REEP1: variants seen among roughly 807,000 people sequenced by gnomAD.
The protein encoded by REEP1 is receptor expression-enhancing protein 1.
A neutral mutation model predicts 40.3 loss-of-function variants in REEP1; 22 were observed. The observed-to-expected ratio is 0.55, with a 90% CI of 0.39 to 0.78. The LOEUF (loss-of-function observed/expected upper bound fraction) is 0.78, where lower values mean the gene tolerates loss of function less well. Among genes scored for constraint, REEP1 ranks in the 30% least tolerant of loss-of-function variants. The pLI, the probability that REEP1 is intolerant of heterozygous loss-of-function variation, is 0.00. For missense variants in REEP1, 280 were observed against 361.1 expected (o/e 0.78, Z 1.82); for synonymous variants, 116 against 139.2 (o/e 0.83, Z 1.17).
intron 1 of REEP1, among the ~76,000 whole-genome samples, chr2:86,324,559 C>T (rs1292079097): frequency 6.6e-6 from 1 of 152,094 alleles, no homozygotes; most frequent in Non-Finnish European, 1.5e-5. Flanking sequence ...GTTTGGAGAA[C>T]AGTTTATGAA....
intron 2 of REEP1, among the ~76,000 whole-genome samples, chr2:86,280,571 C>T (rs1678025746): frequency 6.6e-6 from 1 of 152,204 alleles, no homozygotes; most frequent in Admixed American, 6.5e-5. Flanking sequence ...CTAGGAGAAG[C>T]TGCTTAATGC....
chr2:86,313,300 C>CT (rs77130679), intron 1 of REEP1, among the ~76,000 whole-genome samples: 197 of 136,552 alleles, frequency 1.4e-3, no homozygotes, highest in East Asian at 6.5e-3. Context: ...CTTTTCTTTT[C>CT]TTTTTTTTTT....
At chr2:86,231,294 C>T (rs897755726) in intron 6 of REEP1, among the ~76,000 whole-genome samples, 6 of 152,232 alleles carry the variant, frequency 3.9e-5, no homozygotes, top group Non-Finnish European at 7.3e-5. Flanking sequence ...ACAGCCGAGC[C>T]TCCACCTCCC....
chr2:86,225,349 G>T (rs537814520), intron 7 of REEP1, among the ~76,000 whole-genome samples: 1 of 152,142 alleles, frequency 6.6e-6, no homozygotes, highest in East Asian at 1.9e-4. Context: ...TCGGCTCACC[G>T]CAACCTCTGC....
chr2:86,263,249 A>G (rs1676958683), intron 3 of REEP1, among the ~76,000 whole-genome samples: 1 of 152,170 alleles, frequency 6.6e-6, no homozygotes, highest in Admixed American at 6.5e-5. Flanking sequence ...GTTTGTTTTG[A>G]GACACAGTCT....
Position 86,337,165 on chromosome 2 carries a change from A to C in REEP1, c.32+314T>G, listed in dbSNP as rs1681085129. ...ATTCGGGGCCTCTGCAAATCGACCG[A>C]GCTGAGGAACAAAGCGGCCAGCGCG... On this transcript the variant is annotated intron_variant, in intron 1 of 8. Coordinates refer to ENST00000538924, the MANE Select transcript of REEP1 (RefSeq NM_001371279.1). This position sits in a 1 kb window ranked among gnomAD's most constrained non-coding sequence, Gnocchi z 5.8. 5.9e-6 allele frequency: 1 copy of C among 169,940 alleles called. No individual in the cohort carries two copies. Among genetic ancestry groups the C allele is most frequent in the African/African-American group, 2.4e-5 (1 of 41,836 alleles). 10.5% of individuals were successfully genotyped at this position (169,940 alleles called of 1,614,324 possible).
At chr2:86,323,583 G>C (rs902492493) in intron 1 of REEP1, among the ~76,000 whole-genome samples, 6 of 152,070 alleles carry the variant, frequency 3.9e-5, no homozygotes, top group Non-Finnish European at 5.9e-5. Context: ...AGAATTTAAC[G>C]AATGCCTGAT....
chr2:86,305,524 G>C (rs1393331702), intron 1 of REEP1, among the ~76,000 whole-genome samples: 1 of 152,154 alleles, frequency 6.6e-6, no homozygotes, highest in Admixed American at 6.5e-5. Context: ...TCTCAAACTT[G>C]AGAGGCATGA....
rs774391900 is a variant in REEP1, at chr2:86,232,800, T to A, written c.420A>T (p.Gly140=). 3.1e-6 allele frequency: 5 copies of A among 1,600,226 alleles called. No homozygotes were observed. The highest frequency in any genetic ancestry group is 4.5e-5 in the East Asian group (2 of 44,876). ...ATAAVMAASK[G]QGALSERLRS... ...GCAGTCTCTCCGATAAGGCACCCTGTCCCTGGATACAACACAGGAGGGGCA... is the reference window on the plus strand; with the variant it reads ...GCAGTCTCTCCGATAAGGCACCCTGACCCTGGATACAACACAGGAGGGGCA... The change falls in exon 6 of 9, where the codon GGA becomes GGT. Residue 140 remains glycine, a splice_region_variant and synonymous_variant. Coordinates refer to ENST00000538924, the MANE Select transcript of REEP1 (RefSeq NM_001371279.1).
rs79261101 is a variant in REEP1 at position 86,214,849 on chromosome 2, C to T, written c.*2190G>A. The T allele has an allele frequency of 4.8e-4, 74 of 152,600 alleles. No individual in the cohort carries two copies. Among genetic ancestry groups the T allele is most frequent in the African/African-American group, 1.8e-3 (73 of 41,522 alleles). 9.5% of individuals were successfully genotyped at this position (152,600 alleles called of 1,614,324 possible). A position where few individuals can be genotyped will look rare whatever the true frequency, so the allele number is the denominator to read the frequency against. Reference sequence around the variant, plus strand: ...TAATACAGCATGTCTGAGAATAGAGCGCTTCAAACTTTTTTTGGCATAGTT... The same window carrying T: ...TAATACAGCATGTCTGAGAATAGAGTGCTTCAAACTTTTTTTGGCATAGTT... On this transcript the variant is annotated 3_prime_UTR_variant, in exon 9 of 9. Transcript: ENST00000538924.
At chr2:86,271,019 C>T (rs1677413764) in intron 2 of REEP1, among the ~76,000 whole-genome samples, 1 of 139,812 alleles carries the variant, frequency 7.2e-6, no homozygotes, top group African/African-American at 2.6e-5. Context: ...TGGCAATACC[C>T]TGTCTCTACT....
chr2:86,239,544 T>C (rs1360123440), intron 5 of REEP1, among the ~76,000 whole-genome samples: 2 of 152,100 alleles, frequency 1.3e-5, no homozygotes, highest in African/African-American at 4.8e-5. Flanking sequence ...AGTACTTCCT[T>C]CCAAACCCCA....
At chr2:86,266,435 A>T (rs569889616) in intron 2 of REEP1, among the ~76,000 whole-genome samples, 2 of 137,788 alleles carry the variant, frequency 1.5e-5, no homozygotes, top group South Asian at 2.4e-4. Context: ...CTGGCTAACA[A>T]GGTGAAACCC....
rs2104394911 is a variant in REEP1, at chr2:86,282,211, A to G, written c.64T>C (p.Tyr22His). The part of the protein sequence containing the change: ...LIFGTLYPAY[Y>H]SYKAVKSKDI... ...TTTGATTTCACAGCCTTGTAGGAAT[A>G]ATACGCAGGGTAAAGGGTGCCAAAT... The change falls in exon 2 of 9, where the codon TAT becomes CAT. Residue 22 changes from tyrosine to histidine, a missense_variant. This residue lies in a region of REEP1 where 68 missense variants were observed against 83.7 expected (regional missense o/e 0.81). Transcript: ENST00000538924. The G allele has an allele frequency of 1.2e-6, 2 of 1,610,652 alleles. No individual in the cohort carries two copies. Among genetic ancestry groups the G allele is most frequent in the Middle Eastern group, 1.7e-4 (1 of 6,056 alleles).
intron 1 of REEP1, among the ~76,000 whole-genome samples, chr2:86,319,118 T>C (rs1396383831): frequency 6.6e-6 from 1 of 152,134 alleles, no homozygotes; most frequent in African/African-American, 2.4e-5. Flanking sequence ...GGAGACATAG[T>C]TGAGGGCAAT....
intron 1 of REEP1, among the ~76,000 whole-genome samples, chr2:86,320,504 G>A (rs1680230091): frequency 6.6e-6 from 1 of 152,074 alleles, no homozygotes; most frequent in African/African-American, 2.4e-5. Flanking sequence ...CCTTGATTGG[G>A]AGCCACCAGA....
chr2:86,233,892 G>C (rs957171716), intron 5 of REEP1, among the ~76,000 whole-genome samples: 1 of 151,924 alleles, frequency 6.6e-6, no homozygotes, highest in Non-Finnish European at 1.5e-5. Context: ...TGGTCCCAGA[G>C]ATCTGGGGGA....
At chr2:86,318,418 A>C (rs1203398904) in intron 1 of REEP1, among the ~76,000 whole-genome samples, 1 of 112,740 alleles carries the variant, frequency 8.9e-6, no homozygotes, top group African/African-American at 3.3e-5. Flanking sequence ...TTTTTTTTTG[A>C]GATAGAGTCT....
intron 3 of REEP1, among the ~76,000 whole-genome samples, chr2:86,256,081 G>A (rs1329026479): frequency 1.3e-5 from 2 of 152,154 alleles, no homozygotes; most frequent in African/African-American, 4.8e-5. Flanking sequence ...GGGCGCGGTG[G>A]CTCATGCCTG....
Sources: gnomAD v4.1 joint callset for allele counts (sites outside exome capture counted in the v4.1 genomes callset) on GRCh38, gnomAD v4.1.1 for gene constraint, gnomAD v4.1.1 regional missense constraint, Gnocchi (gnomAD v3.1) non-coding constraint, MANE v1.5 for transcripts, NCBI Gene and HGNC (gene_info 2026-07-23, HGNC 2026-07-21) for gene names.